Variants in SLX4IP observed in about 807,000 individuals in gnomAD.
The protein encoded by SLX4IP is protein SLX4IP.
SLX4IP carries 34 observed loss-of-function variants against 32.9 expected under a neutral mutation model. That is an observed-to-expected ratio of 1.03 (90% CI 0.79 to 1.38). The LOEUF (loss-of-function observed/expected upper bound fraction) is 1.38, where lower values mean the gene tolerates loss of function less well. Ranked by LOEUF, SLX4IP falls within the 40% of genes most tolerant of loss-of-function variation. SLX4IP has a pLI of 0.00. For synonymous variants in SLX4IP, 172 were observed against 171.7 expected, an observed-to-expected ratio of 1.00 and a Z score of -0.01; for missense variants, 444 against 479.0, an observed-to-expected ratio of 0.93 and a Z score of 0.68.
At chr20:10,504,425 A>G (rs2065741913) in intron 2 of SLX4IP, among the ~76,000 whole-genome samples, 2 of 152,036 alleles carry the variant, frequency 1.3e-5, no homozygotes, top group South Asian at 4.2e-4. Flanking sequence ...ACAGCAGGGG[A>G]TGTAAAGAGC....
At chr20:10,467,177 A>T (rs1243905541) in intron 2 of SLX4IP, among the ~76,000 whole-genome samples, 1 of 152,216 alleles carries the variant, frequency 6.6e-6, no homozygotes, top group Non-Finnish European at 1.5e-5. Flanking sequence ...CTTAAATGGG[A>T]ACGTGGTACT....
intron 4 of SLX4IP, among the ~76,000 whole-genome samples, chr20:10,565,857 G>C (rs2066387208): frequency 6.6e-6 from 1 of 152,170 alleles, no homozygotes; most frequent in Non-Finnish European, 1.5e-5. Flanking sequence ...TCAAGTCCCA[G>C]CTCCAAGTCC....
chr20:10,475,145 G>GA (rs1403709383), intron 2 of SLX4IP, among the ~76,000 whole-genome samples: 2 of 152,206 alleles, frequency 1.3e-5, no homozygotes, highest in African/African-American at 2.4e-5. Context: ...GCATTCTGTG[G>GA]AGGGCCAGAG....
chr20:10,480,546 T>C (rs1257071043), intron 2 of SLX4IP, among the ~76,000 whole-genome samples: 2 of 152,240 alleles, frequency 1.3e-5, no homozygotes, highest in East Asian at 3.8e-4. Flanking sequence ...AAATATGGCA[T>C]ATTATAGCTA....
In SLX4IP at chr20:10,601,593, A is replaced by T. The variant is rs916567041; in HGVS notation, c.317-138A>T. 3 of 664,182 alleles carry T rather than the reference A, an allele frequency of 4.5e-6. No homozygotes were observed. In the African/African-American group the frequency reaches 5.4e-5, roughly 12 times the overall value. 41.1% of individuals were successfully genotyped at this position (664,182 alleles called of 1,614,324 possible). On this transcript the variant is annotated intron_variant, in intron 5 of 7. Coordinates refer to ENST00000334534, the MANE Select transcript of SLX4IP (RefSeq NM_001009608.3). The stretch of plus-strand genomic sequence containing the variant: ...CCTATTGACGGCAAACACCGAAAGG[A>T]TGGGAGGAGAGAAGAGACGTATGTT...
chr20:10,608,998 G>T (rs1031218623), intron 6 of SLX4IP, among the ~76,000 whole-genome samples: 1 of 152,176 alleles, frequency 6.6e-6, no homozygotes, highest in Non-Finnish European at 1.5e-5. Flanking sequence ...TAGCCAGCCA[G>T]TCAGTGCTGG....
At chr20:10,466,061 C>A (rs777032382) in intron 2 of SLX4IP, among the ~76,000 whole-genome samples, 1 of 152,114 alleles carries the variant, frequency 6.6e-6, no homozygotes, top group Non-Finnish European at 1.5e-5. Flanking sequence ...GACATGGACA[C>A]ATAATGTAAT....
At chr20:10,571,091 C>T (rs1017548201) in intron 4 of SLX4IP, among the ~76,000 whole-genome samples, 1 of 152,168 alleles carries the variant, frequency 6.6e-6, no homozygotes, top group Non-Finnish European at 1.5e-5. Context: ...CCTCAGCCTC[C>T]GAAAGTGTTG....
At chr20:10,553,967 G>A (rs2066243521) in intron 2 of SLX4IP, among the ~76,000 whole-genome samples, 1 of 152,148 alleles carries the variant, frequency 6.6e-6, no homozygotes, top group African/African-American at 2.4e-5. Flanking sequence ...ACAAGTATGA[G>A]TGCATTTTAC....
intron 2 of SLX4IP, among the ~76,000 whole-genome samples, chr20:10,504,227 G>A (rs1009778751): frequency 6.6e-6 from 1 of 152,136 alleles, no homozygotes; most frequent in Admixed American, 6.5e-5. Context: ...TCAAACCTTG[G>A]AGTGCAGTTC....
intron 4 of SLX4IP, among the ~76,000 whole-genome samples, chr20:10,576,448 T>TAG (rs762898795): frequency 6.6e-6 from 1 of 152,214 alleles, no homozygotes; most frequent in Non-Finnish European, 1.5e-5. Flanking sequence ...CCTTATTACT[T>TAG]AGAGCATAAA....
chr20:10,481,992 C>T (rs2065526373), intron 2 of SLX4IP, among the ~76,000 whole-genome samples: 1 of 152,170 alleles, frequency 6.6e-6, no homozygotes, highest in African/African-American at 2.4e-5. Flanking sequence ...AGATGGAAGC[C>T]ACAGTCTTTT....
At chr20:10,503,037 C>A (rs1236037665) in intron 2 of SLX4IP, among the ~76,000 whole-genome samples, 7 of 152,188 alleles carry the variant, frequency 4.6e-5, no homozygotes, top group Admixed American at 3.9e-4. Flanking sequence ...GGTTCCTCCT[C>A]TAGTTGTAGT....
intron 2 of SLX4IP, among the ~76,000 whole-genome samples, chr20:10,539,099 A>T (rs774120685): frequency 5.9e-5 from 9 of 152,226 alleles, no homozygotes; most frequent in Non-Finnish European, 1.2e-4. Context: ...ACTTTATTTC[A>T]TAAGAATAAC....
chr20:10,576,392 C>T (rs1256809865), intron 4 of SLX4IP, among the ~76,000 whole-genome samples: 1 of 152,178 alleles, frequency 6.6e-6, no homozygotes, highest in East Asian at 1.9e-4. Flanking sequence ...TGTTCAGGTA[C>T]ACCTAATTGT....
intron 6 of SLX4IP, among the ~76,000 whole-genome samples, chr20:10,604,775 G>C (rs539419045): frequency 6.6e-6 from 1 of 152,230 alleles, no homozygotes; most frequent in Non-Finnish European, 1.5e-5. Flanking sequence ...TGTGGGAATT[G>C]TGATGTGTAC....
At chr20:10,590,826 T>C (rs2066700901) in intron 4 of SLX4IP, among the ~76,000 whole-genome samples, 1 of 152,182 alleles carries the variant, frequency 6.6e-6, no homozygotes, top group Non-Finnish European at 1.5e-5. Flanking sequence ...AGCTTTCCTT[T>C]AGCTCTGCCG....
At chr20:10,587,274 A>G (rs1346813147) in intron 4 of SLX4IP, among the ~76,000 whole-genome samples, 1 of 152,188 alleles carries the variant, frequency 6.6e-6, no homozygotes, top group Non-Finnish European at 1.5e-5. Flanking sequence ...GCATGTAACA[A>G]TTATACAAGG....
At chr20:10,451,345 G>C (rs1234534100) in intron 1 of SLX4IP, among the ~76,000 whole-genome samples, 1 of 151,972 alleles carries the variant, frequency 6.6e-6, no homozygotes, top group Admixed American at 6.6e-5. Flanking sequence ...ATTTTTAGTA[G>C]AGATGGGGTT....
Sources: gnomAD v4.1 joint callset for allele counts (sites outside exome capture counted in the v4.1 genomes callset) on GRCh38, gnomAD v4.1.1 for gene constraint, MANE v1.5 for transcripts, NCBI Gene and HGNC (gene_info 2026-07-23, HGNC 2026-07-21) for gene names.